The following SMOC2 variants were observed in gnomAD, a reference collection of about 807,000 sequenced individuals.
SMOC2 encodes SPARC related modular calcium binding 2.
In SMOC2, 39 loss-of-function variants were observed where a neutral mutation model predicts 61.4. The ratio of observed to expected loss-of-function variants is 0.64; its 90% confidence interval spans 0.49 to 0.83. SMOC2 has a LOEUF of 0.83. Ranked by LOEUF, SMOC2 falls within the 40% of genes least tolerant of loss-of-function variation. The pLI, the probability that SMOC2 is intolerant of heterozygous loss-of-function variation, is 0.00. For missense variants in SMOC2, 556 were observed against 592.9 expected, an observed-to-expected ratio of 0.94 and a Z score of 0.65; for synonymous variants, 247 against 239.9, an observed-to-expected ratio of 1.03 and a Z score of -0.27.
intron 9 of SMOC2, among the ~76,000 whole-genome samples, chr6:168,630,270 T>C (rs1246544045): frequency 6.6e-6 from 1 of 152,232 alleles, no homozygotes; most frequent in East Asian, 1.9e-4. Context: ...AGGGACCGGC[T>C]GAAGCCATGG....
At chr6:168,610,401 T>C (rs1432924236) in intron 9 of SMOC2, among the ~76,000 whole-genome samples, 2 of 152,206 alleles carry the variant, frequency 1.3e-5, no homozygotes, top group Non-Finnish European at 2.9e-5. Context: ...GAGATAATTA[T>C]CCTTATTAGG....
At chr6:168,506,062 T>C (rs947435832) in intron 1 of SMOC2, among the ~76,000 whole-genome samples, 9 of 152,008 alleles carry the variant, frequency 5.9e-5, no homozygotes, top group Admixed American at 4.6e-4. Flanking sequence ...TGAAGTGCCC[T>C]GGTGCGTAGT....
At chr6:168,582,877 G>C (rs762666058) in intron 7 of SMOC2, among the ~76,000 whole-genome samples, 3 of 152,090 alleles carry the variant, frequency 2.0e-5, no homozygotes, top group African/African-American at 7.2e-5. Context: ...TGCCCCTCCC[G>C]GTTTTTATCT....
rs369153423 is a variant in SMOC2, at chr6:168,624,151, A to G, written c.907+15912A>G. ...TGGCAAATATTTACTGAGAACTTAG[A>G]CGGTGTCAGCCTAGGTGCTTTCCCT... is the stretch of plus-strand genomic sequence containing the variant. On this transcript the variant is annotated intron_variant, in intron 9 of 12. Transcript: ENST00000356284. Among the ~76,000 whole-genome samples the G allele has an allele frequency of 3.3e-5, 5 of 152,326 alleles. 1 individual carries two copies. Among genetic ancestry groups the G allele is most frequent in the African/African-American group, 1.2e-4 (5 of 41,564 alleles).
chr6:168,533,115 G>T (rs977838529), intron 4 of SMOC2, among the ~76,000 whole-genome samples: 1 of 151,830 alleles, frequency 6.6e-6, no homozygotes, highest in Non-Finnish European at 1.5e-5. Context: ...TTTCCTCCCC[G>T]CTCTAAAATT....
At chr6:168,599,463 CCACT>C (rs1554247780) in intron 8 of SMOC2, among the ~76,000 whole-genome samples, 2 of 120,444 alleles carry the variant, frequency 1.7e-5, no homozygotes, top group Non-Finnish European at 3.4e-5. Flanking sequence ...CCCCACACAC[CCACT>C]CACACCCACA....
intron 7 of SMOC2, among the ~76,000 whole-genome samples, chr6:168,558,951 G>T (rs1784323212): frequency 6.6e-6 from 1 of 152,134 alleles, no homozygotes; most frequent in African/African-American, 2.4e-5. Flanking sequence ...GTGCATGCGT[G>T]TGCATGTGTG....
At chr6:168,519,749 T>C (rs1783283537) in intron 2 of SMOC2, among the ~76,000 whole-genome samples, 1 of 152,194 alleles carries the variant, frequency 6.6e-6, no homozygotes, top group Admixed American at 6.5e-5. Flanking sequence ...TTAGTGACCA[T>C]TTACACAATC....
At chr6:168,470,137 G>A (rs981026997) in intron 1 of SMOC2, among the ~76,000 whole-genome samples, 2 of 152,130 alleles carry the variant, frequency 1.3e-5, no homozygotes, top group African/African-American at 4.8e-5. Context: ...TCTACAGGGC[G>A]GAGCCGGAAC....
At chr6:168,468,490 A>G (rs1288539137) in intron 1 of SMOC2, among the ~76,000 whole-genome samples, 1 of 152,168 alleles carries the variant, frequency 6.6e-6, no homozygotes, top group Non-Finnish European at 1.5e-5. Flanking sequence ...TGCCATGGGC[A>G]GTGGGCACCA....
intron 1 of SMOC2, among the ~76,000 whole-genome samples, chr6:168,480,789 TAG>T (rs1782188815): frequency 6.6e-6 from 1 of 152,092 alleles, no homozygotes; most frequent in Non-Finnish European, 1.5e-5. Context: ...AAACTTTCAA[TAG>T]ACAAAGAGAA....
chr6:168,620,215 C>T (rs754069148), intron 9 of SMOC2, among the ~76,000 whole-genome samples: 9 of 152,156 alleles, frequency 5.9e-5, no homozygotes, highest in Admixed American at 2.0e-4. Context: ...CGCTTATCTT[C>T]CTGATTCCCC....
chr6:168,451,442 G>T (rs1007477056), intron 1 of SMOC2, among the ~76,000 whole-genome samples: 1 of 152,138 alleles, frequency 6.6e-6, no homozygotes, highest in Non-Finnish European at 1.5e-5. Context: ...TGGGATTAAG[G>T]TGCCTGTAAG....
At chr6:168,534,607 T>C (rs1783691386) in intron 4 of SMOC2, among the ~76,000 whole-genome samples, 1 of 152,260 alleles carries the variant, frequency 6.6e-6, no homozygotes, top group South Asian at 2.1e-4. Flanking sequence ...ACTATTCTGA[T>C]AGACAATATT....
intron 7 of SMOC2, among the ~76,000 whole-genome samples, chr6:168,591,493 A>G (rs1337039859): frequency 6.6e-6 from 1 of 152,226 alleles, no homozygotes; most frequent in East Asian, 1.9e-4. Context: ...AGAAACCTTC[A>G]GATTGAGGCA....
Position 168,501,425 on chromosome 6 carries a change from G to T in SMOC2, c.85-8490G>T, listed in dbSNP as rs111912027. On this transcript the variant is annotated intron_variant, in intron 1 of 12. Transcript: ENST00000356284. ...CATCCGTCCCTTGCTGCGGTGCCAG[G>T]AACCTGCATTGTCCATCCCTCGCTA... 7.3e-3 allele frequency among the ~76,000 whole-genome samples: 1,105 copies of T among 152,132 alleles called. 12 individuals are homozygous for T. Among genetic ancestry groups the T allele is most frequent in the African/African-American group, 0.026 (1,067 of 41,508 alleles).
intron 1 of SMOC2, among the ~76,000 whole-genome samples, chr6:168,489,748 A>G (rs551941510): frequency 1.6e-3 from 243 of 149,282 alleles, no homozygotes; most frequent in African/African-American, 5.8e-3. Flanking sequence ...GAAATATATC[A>G]AATCGTCTGG....
intron 2 of SMOC2, among the ~76,000 whole-genome samples, chr6:168,524,366 GT>G (rs763812781): frequency 3.9e-5 from 6 of 152,182 alleles, no homozygotes; most frequent in Non-Finnish European, 8.8e-5. Context: ...TGACTAAATA[GT>G]TTGCCATAGG....
chr6:168,599,014 G>T lies in SMOC2; in HGVS notation c.824+10G>T. 1 of 1,578,894 alleles carries T rather than the reference G, an allele frequency of 6.3e-7. No individual in the cohort carries two copies. Among genetic ancestry groups the T allele is most frequent in the Non-Finnish European group, 8.6e-7 (1 of 1,161,460 alleles). On this transcript the variant is annotated intron_variant, in intron 8 of 12. Transcript: ENST00000356284. Reference sequence around the variant, plus strand: ...CCGGCACATCCACAAGGTAAATAGGGTGCACCCACCCCCCCCGGGACCATG... The same window carrying T: ...CCGGCACATCCACAAGGTAAATAGGTTGCACCCACCCCCCCCGGGACCATG...
Sources: allele counts gnomAD v4.1 joint callset (sites outside exome capture counted in the v4.1 genomes callset), GRCh38; gene constraint gnomAD v4.1.1; transcripts MANE v1.5; gene names NCBI Gene and HGNC (gene_info 2026-07-23, HGNC 2026-07-21).